PPARG: variants seen among roughly 807,000 people sequenced by gnomAD.
The protein encoded by PPARG is peroxisome proliferator activated receptor gamma, also known as peroxisome proliferator-activated receptor gamma.
Under a neutral mutation model 39.2 loss-of-function variants are expected in PPARG, and 17 were observed. That is an observed-to-expected ratio of 0.43 (90% CI 0.30 to 0.65). PPARG has a LOEUF of 0.65. PPARG is among the 30% of genes least tolerant of loss of function. The pLI, the probability that PPARG is intolerant of heterozygous loss-of-function variation, is 0.13. For synonymous variants in PPARG, 223 were observed against 215.7 expected (o/e 1.03, Z -0.30); for missense variants, 406 against 585.9 (o/e 0.69, Z 3.17).
At chr3:12,393,247 C>G (rs1575106926) in intron 5 of PPARG, among the ~76,000 whole-genome samples, 1 of 115,928 alleles carries the variant, frequency 8.6e-6, no homozygotes. Flanking sequence ...GTATTCGTTT[C>G]CTTCACTTCA....
In PPARG at chr3:12,372,093, C is replaced by T. The variant is rs1030564425; in HGVS notation, c.-8-7611C>T. On this transcript the variant is annotated intron_variant, in intron 2 of 7. Coordinates refer to ENST00000651735, the MANE Select transcript of PPARG (RefSeq NM_138711.6). ...TCATTTCCAACAAAACTACAAAGGA[C>T]CTATGAAAGGCTTTTCAGGCACGTA... 5.5e-6 allele frequency: 4 copies of T among 721,650 alleles called. No homozygotes were observed. In the Admixed American group the frequency reaches 7.9e-5, roughly 14 times the overall value. 44.7% of individuals were successfully genotyped at this position (721,650 alleles called of 1,614,324 possible).
At chr3:12,432,041 A>G (rs1367337124) in intron 7 of PPARG, among the ~76,000 whole-genome samples, 1 of 152,246 alleles carries the variant, frequency 6.6e-6, no homozygotes, top group Non-Finnish European at 1.5e-5. Flanking sequence ...AAACTTTACC[A>G]TATAAGTAGT....
intron 4 of PPARG, among the ~76,000 whole-genome samples, chr3:12,390,632 TC>T (rs1483420349): frequency 1.7e-5 from 2 of 115,304 alleles, no homozygotes; most frequent in East Asian, 5.9e-4. Context: ...AGCTGTATTT[TC>T]TTCCTTTTTT....
At chr3:12,418,827 A>C (rs536942073) in intron 7 of PPARG, among the ~76,000 whole-genome samples, 4 of 152,210 alleles carry the variant, frequency 2.6e-5, no homozygotes, top group Admixed American at 6.5e-5. Flanking sequence ...CTAGGGTGCA[A>C]ATAGATCACA....
At chr3:12,378,524 A>C (rs1575082484) in intron 2 of PPARG, among the ~76,000 whole-genome samples, 1 of 152,318 alleles carries the variant, frequency 6.6e-6, no homozygotes, top group Non-Finnish European at 1.5e-5. Context: ...GCGACAACAG[A>C]GATGAACCTA....
In PPARG at chr3:12,305,189, CTCTT is replaced by C. The variant is rs538217069; in HGVS notation, c.-82-7188_-82-7185del. Reference sequence around the variant, plus strand: ...CCTCTGAATTTCTGCTTCCTTTCCTCTCTTTCCCAATTGCTACTGTCTCTGCCTT... The same window carrying C: ...CCTCTGAATTTCTGCTTCCTTTCCTCTCCCAATTGCTACTGTCTCTGCCTT... On this transcript the variant is annotated intron_variant, in intron 1 of 7. Coordinates refer to ENST00000651735, the MANE Select transcript of PPARG (RefSeq NM_138711.6). 7.2e-5 allele frequency among the ~76,000 whole-genome samples: 11 copies of C among 152,260 alleles called. No homozygotes were observed. In the South Asian group the frequency reaches 1.2e-3, roughly 17 times the overall value.
At chr3:12,324,292 A>AT (rs550197883) in intron 2 of PPARG, among the ~76,000 whole-genome samples, 144 of 152,210 alleles carry the variant, frequency 9.5e-4, no homozygotes, top group South Asian at 2.7e-3. Context: ...AGAAAAAAAA[A>AT]AGAATAGACA....
intron 5 of PPARG, among the ~76,000 whole-genome samples, chr3:12,401,887 G>A (rs757135386): frequency 1.5e-4 from 23 of 152,108 alleles, no homozygotes; most frequent in African/African-American, 3.9e-4. Context: ...ACAAAAATAC[G>A]TTTTAGTGAG....
chr3:12,305,095 T>G (rs1005131456), intron 1 of PPARG, among the ~76,000 whole-genome samples: 9 of 152,102 alleles, frequency 5.9e-5, no homozygotes, highest in Admixed American at 3.9e-4. Context: ...CCTCTACCCT[T>G]CTCCCCTTTT....
chr3:12,305,934 C>T, intron 1 of PPARG: 1 of 152,214 alleles, frequency 6.6e-6, no homozygotes, highest in Non-Finnish European at 1.5e-5. Flanking sequence ...AACTCAAGCA[C>T]CAAATAAGTC....
intron 6 of PPARG, 22 bp from the exon 7 acceptor site, chr3:12,416,682 G>GT (rs781511223): frequency 6.2e-7 from 1 of 1,605,374 alleles, no homozygotes; most frequent in Admixed American, 1.7e-5. Flanking sequence ...AGTCATCCAC[G>GT]TTTTCCCTGT....
rs1290900258 is a variant in PPARG, at chr3:12,391,001, G to A, written c.391-1613G>A. ...TGACAAACCCAAAATTGAGAATAAT[G>A]ATTACTTTGTCAAACCTATCGCCTT... On this transcript the variant is annotated intron_variant, in intron 4 of 7. Coordinates refer to ENST00000651735, the MANE Select transcript of PPARG (RefSeq NM_138711.6). Among the ~76,000 whole-genome samples, 13 of 152,162 alleles carry A rather than the reference G, an allele frequency of 8.5e-5. No individual in the cohort carries two copies. The South Asian group carries it at 2.5e-3, about 29-fold the overall frequency.
intron 2 of PPARG, among the ~76,000 whole-genome samples, chr3:12,342,124 C>T (rs1457264047): frequency 6.6e-6 from 1 of 152,192 alleles, no homozygotes; most frequent in Non-Finnish European, 1.5e-5. Flanking sequence ...AGGAAGTACA[C>T]ATCCCCTATG....
At chr3:12,368,705 A>G (rs2049107375) in intron 2 of PPARG, among the ~76,000 whole-genome samples, 1 of 152,182 alleles carries the variant, frequency 6.6e-6, no homozygotes, top group Non-Finnish European at 1.5e-5. Context: ...TATTGTTACT[A>G]AATTGTATTT....
At chr3:12,381,296 A>G in intron 3 of PPARG, 26 bp from the exon 4 acceptor site, 1 of 1,609,806 alleles carries the variant, frequency 6.2e-7, no homozygotes, top group Non-Finnish European at 8.5e-7. Flanking sequence ...TGGGATAATT[A>G]TCCTCTCACA....
chr3:12,384,945 G>C (rs1348018071), intron 4 of PPARG, among the ~76,000 whole-genome samples: 2 of 152,026 alleles, frequency 1.3e-5, no homozygotes, highest in Non-Finnish European at 1.5e-5. Context: ...AGAGTAAAGG[G>C]ATCTTGCAAC....
chr3:12,377,400 C>G, intron 2 of PPARG, among the ~76,000 whole-genome samples: 1 of 152,086 alleles, frequency 6.6e-6, no homozygotes, highest in East Asian at 1.9e-4. Context: ...TCTCTCTAAC[C>G]TTTCTATTCT....
At chr3:12,361,748 A>G (rs1232169768) in intron 2 of PPARG, among the ~76,000 whole-genome samples, 2 of 152,234 alleles carry the variant, frequency 1.3e-5, no homozygotes, top group Non-Finnish European at 2.9e-5. Context: ...AAATAGTTTG[A>G]TATCTGGTAG....
chr3:12,421,390 A>G (rs1171333256), intron 7 of PPARG, among the ~76,000 whole-genome samples: 2 of 152,198 alleles, frequency 1.3e-5, no homozygotes, highest in Non-Finnish European at 2.9e-5. Flanking sequence ...CAGCAAAGCC[A>G]TGTTTGCAAC....
Sources: allele counts gnomAD v4.1 joint callset (sites outside exome capture counted in the v4.1 genomes callset), GRCh38; gene constraint gnomAD v4.1.1; transcripts MANE v1.5; gene names NCBI Gene and HGNC (gene_info 2026-07-23, HGNC 2026-07-21).